NRIP1: variants seen among roughly 807,000 people sequenced by gnomAD.
NRIP1 encodes the protein nuclear receptor-interacting protein 1.
A neutral mutation model predicts 75.0 loss-of-function variants in NRIP1; 28 were observed. That is an observed-to-expected ratio of 0.37 (90% confidence interval 0.28 to 0.51). The LOEUF (loss-of-function observed/expected upper bound fraction) is 0.51. Among genes scored for constraint, NRIP1 ranks in the 20% least tolerant of loss-of-function variants. The pLI is 0.92. For missense variants in NRIP1, 1,435 were observed against 1,343.7 expected, an observed-to-expected ratio of 1.07 and a Z score of -1.06; for synonymous variants, 526 against 487.6, an observed-to-expected ratio of 1.08 and a Z score of -1.04.
rs766763498 is a variant in NRIP1 at position 14,964,842 on chromosome 21, A to G, written c.3351T>C (p.Ser1117=). 26 of 1,613,462 alleles carry G rather than the reference A, an allele frequency of 1.6e-5. No homozygotes were observed. The East Asian group carries it at 5.6e-4, about 35-fold the overall frequency. ...ELLPTAETKA[S]FFNLRSPYNS... ...TGTAAGGGCTTCTTAAATTAAAGAA[A>G]GAAGCTTTCGTTTCTGCAGTAGGAA... Residue 1117 remains serine, a synonymous_variant, in exon 4 of 4, where the codon TCT becomes TCC. Coordinates refer to ENST00000318948, the MANE Select transcript of NRIP1 (RefSeq NM_003489.4).
In NRIP1 at chr21:14,967,664, A is replaced by G; in HGVS notation, c.529T>C (p.Cys177Arg). The G allele has an allele frequency of 1.9e-6, 3 of 1,614,056 alleles. No homozygotes were observed. The highest frequency in any genetic ancestry group is 2.5e-6 in the Non-Finnish European group (3 of 1,179,988). ...DSLKVEKDLR[C>R]YGVASSHLKT... ...AAGTGACTTGATGCAACACCATAGC[A>G]CCTTAAATCCTTCTCCACTTTTAAA... The change falls in exon 4 of 4, where the codon TGC becomes CGC. Residue 177 changes from cysteine to arginine, a missense_variant. Cys to Arg is a radical substitution (Grantham distance 180). Coordinates refer to ENST00000318948, the MANE Select transcript of NRIP1 (RefSeq NM_003489.4).
At position 14,967,205 on chromosome 21, in the gene NRIP1, T is replaced by C. The variant is rs1419917758; in HGVS notation, c.988A>G (p.Arg330Gly). Residue 330 changes from arginine to glycine, a missense_variant, in exon 4 of 4, where the codon AGA (arginine) becomes GGA (glycine). Coordinates refer to ENST00000318948, the MANE Select transcript of NRIP1 (RefSeq NM_003489.4). ...GCCATCAGTTTGCTTGATGATGTTC[T>C]TGCCTGACCATTAAGATGGCTTGAC... Reference protein sequence around the residue: ...GMSSHLNGQARTSSSKLMASK... With the variant: ...GMSSHLNGQAGTSSSKLMASK... 3 of 1,614,130 alleles carry C rather than the reference T, an allele frequency of 1.9e-6. No individual in the cohort carries two copies. The South Asian group carries it at 3.3e-5, about 18-fold the overall frequency.
chr21:15,058,188 C>A (rs971122324), intron 1 of NRIP1, among the ~76,000 whole-genome samples: 3 of 152,068 alleles, frequency 2.0e-5, no homozygotes, highest in African/African-American at 4.8e-5. Context: ...AGTAGCAGAA[C>A]CTAAACTCGA....
At position 14,964,934 on chromosome 21, in the gene NRIP1, T is replaced by C. The variant is rs1385711163; in HGVS notation, c.3259A>G (p.Lys1087Glu). The part of the protein sequence containing the change: ...NSVTSRETQD[K>E]DIWREASSAE... ...GATGAAGCCTCCCTCCAAATGTCCTTGTCTTGTGTTTCTCGACTGGTAACA... is the reference window on the plus strand; with the variant it reads ...GATGAAGCCTCCCTCCAAATGTCCTCGTCTTGTGTTTCTCGACTGGTAACA... Residue 1087 changes from lysine (K) to glutamate (E), a missense_variant, in exon 4 of 4, where the codon AAG becomes GAG. Physicochemically the swap from Lys to Glu is moderately conservative, Grantham distance 56. Coordinates refer to ENST00000318948, the MANE Select transcript of NRIP1 (RefSeq NM_003489.4). 9.9e-6 allele frequency: 16 copies of C among 1,613,740 alleles called. No individual in the cohort carries two copies. In the Admixed American group the frequency reaches 1.7e-4, roughly 17 times the overall value.
At chr21:14,997,215 G>A (rs2087752001) in intron 3 of NRIP1, among the ~76,000 whole-genome samples, 1 of 152,064 alleles carries the variant, frequency 6.6e-6, no homozygotes, top group Admixed American at 6.6e-5. Context: ...AAAGATAAAG[G>A]TTTAGTTAAG....
At chr21:14,992,009 T>C (rs56214311) in intron 3 of NRIP1, among the ~76,000 whole-genome samples, 7,525 of 152,138 alleles carry the variant, frequency 0.049, 568 homozygotes, top group African/African-American at 0.16. Flanking sequence ...ATTCTAAATA[T>C]TGTACACAGC....
intron 2 of NRIP1, among the ~76,000 whole-genome samples, chr21:15,042,299 C>G (rs1476413802): frequency 6.6e-6 from 1 of 151,920 alleles, no homozygotes. Flanking sequence ...TGTTTCTATC[C>G]CAAGCAAGAC....
At chr21:14,973,456 T>C (rs1397301855) in intron 3 of NRIP1, among the ~76,000 whole-genome samples, 1 of 152,040 alleles carries the variant, frequency 6.6e-6, no homozygotes, top group African/African-American at 2.4e-5. Context: ...TAAAAATGCA[T>C]ATATACAACG....
intron 1 of NRIP1, chr21:15,050,841 C>A (rs1215633674): frequency 2.2e-6 from 1 of 456,080 alleles, no homozygotes; most frequent in East Asian, 7.0e-5. Flanking sequence ...ACCTCCTCTA[C>A]CTGACCCATA....
At chr21:14,982,611 A>C (rs1487871300) in intron 3 of NRIP1, among the ~76,000 whole-genome samples, 4 of 151,878 alleles carry the variant, frequency 2.6e-5, no homozygotes, top group Non-Finnish European at 4.4e-5. Flanking sequence ...CACTCAGTAG[A>C]TCTTTCAATC....
Position 15,027,820 on chromosome 21 carries a change from C to A in NRIP1, c.-457-13354G>T, listed in dbSNP as rs76872539. On this transcript the variant is annotated intron_variant, in intron 2 of 3. Coordinates refer to ENST00000318948, the MANE Select transcript of NRIP1 (RefSeq NM_003489.4). ...TTTCTCTCTACTTGGTCACACAGGC[C>A]AGCAATCATATATTCACCATGACAG... Among the ~76,000 whole-genome samples the A allele has an allele frequency of 9.6e-3, 1,465 of 152,132 alleles. 11 individuals carry two copies. Among genetic ancestry groups the A allele is most frequent in the Non-Finnish European group, 0.015 (1,017 of 68,000 alleles).
rs142977734 is a variant in NRIP1 at position 15,040,417 on chromosome 21, C to G, written c.-458+3078G>C. The stretch of plus-strand genomic sequence containing the variant: ...AACAGCACTGCTCTATAGGAAAGAC[C>G]TAGAAAAAGATTAATTTTTCAAATA... On this transcript the variant is annotated intron_variant, in intron 2 of 3. Transcript: ENST00000318948. Among the ~76,000 whole-genome samples, 244 of 151,984 alleles carry G rather than the reference C, an allele frequency of 1.6e-3. 1 individual carries two copies. The highest frequency in any genetic ancestry group is 5.6e-3 in the African/African-American group (231 of 41,470).
chr21:14,989,410 G>A (rs2087505958), intron 3 of NRIP1, among the ~76,000 whole-genome samples: 1 of 152,178 alleles, frequency 6.6e-6, no homozygotes, highest in African/African-American at 2.4e-5. Context: ...TGCCTCCCTT[G>A]ATGAAACTAA....
intron 3 of NRIP1, among the ~76,000 whole-genome samples, chr21:14,998,571 G>A (rs576547014): frequency 1.5e-4 from 23 of 152,232 alleles, no homozygotes; most frequent in Middle Eastern, 3.4e-3. Context: ...CTTGAACAAC[G>A]CTGGCTTGCA....
intron 3 of NRIP1, among the ~76,000 whole-genome samples, chr21:15,004,819 A>T (rs1176865203): frequency 6.6e-6 from 1 of 152,268 alleles, no homozygotes; most frequent in Non-Finnish European, 1.5e-5. Context: ...TTGCTTAACT[A>T]GACTTCTAAA....
chr21:15,007,391 A>G (rs2147142549), intron 3 of NRIP1, among the ~76,000 whole-genome samples: 1 of 152,380 alleles, frequency 6.6e-6, no homozygotes, highest in Admixed American at 6.5e-5. Context: ...ACAGTGCTAT[A>G]AGATAGGGTG....
intron 3 of NRIP1, among the ~76,000 whole-genome samples, chr21:14,997,422 T>C (rs1367389716): frequency 6.6e-6 from 1 of 152,040 alleles, no homozygotes; most frequent in Non-Finnish European, 1.5e-5. Flanking sequence ...TAACTGATCA[T>C]GACAAAGAAT....
intron 3 of NRIP1, among the ~76,000 whole-genome samples, chr21:14,984,935 T>A (rs888536926): frequency 2.6e-5 from 4 of 152,234 alleles, no homozygotes; most frequent in Non-Finnish European, 4.4e-5. Context: ...TTAGACATAA[T>A]GCTATGGCAC....
intron 3 of NRIP1, among the ~76,000 whole-genome samples, chr21:14,980,442 C>T (rs2776042): frequency 0.2 from 29,621 of 151,514 alleles, 3,175 homozygotes; most frequent in Non-Finnish European, 0.24. Flanking sequence ...CTATTGCACT[C>T]CAGCTGGGTG....
Sources: gnomAD v4.1 joint callset for allele counts (sites outside exome capture counted in the v4.1 genomes callset) on GRCh38, gnomAD v4.1.1 for gene constraint, MANE v1.5 for transcripts, NCBI Gene and HGNC (gene_info 2026-07-23, HGNC 2026-07-21) for gene names.